Variants in SLC12A2 observed in about 807,000 individuals in gnomAD.
SLC12A2 encodes the protein Na-K-2Cl cotransporter 1.
A neutral mutation model predicts 136.3 loss-of-function variants in SLC12A2; 67 were observed. The ratio of observed to expected loss-of-function variants is 0.49; its 90% confidence interval spans 0.40 to 0.60. SLC12A2 has a LOEUF of 0.60. Among genes scored for constraint, SLC12A2 ranks in the 20% least tolerant of loss-of-function variants. SLC12A2 has a pLI of 0.00. For synonymous variants in SLC12A2, 619 were observed against 562.9 expected (o/e 1.10, Z -1.41); for missense variants, 1,322 against 1,534.7 (o/e 0.86, Z 2.32).
chr5:128,102,596 CT>C (rs70997362), intron 1 of SLC12A2, among the ~76,000 whole-genome samples: 14 of 40,444 alleles, frequency 3.5e-4, no homozygotes, highest in East Asian at 2.3e-3. Context: ...CCCCCCCCGC[CT>C]TTTTTTTTTT....
At chr5:128,093,014 C>T (rs1296915327) in intron 1 of SLC12A2, among the ~76,000 whole-genome samples, 3 of 152,036 alleles carry the variant, frequency 2.0e-5, no homozygotes, top group Non-Finnish European at 2.9e-5. Flanking sequence ...TTATAATTGC[C>T]GTCTTTCCTT....
chr5:128,121,901 G>A (rs1262992324), intron 4 of SLC12A2, among the ~76,000 whole-genome samples: 1 of 152,128 alleles, frequency 6.6e-6, no homozygotes, highest in Non-Finnish European at 1.5e-5. Flanking sequence ...AACTTGGATG[G>A]TGCTGGCCAG....
intron 18 of SLC12A2, chr5:128,168,836 G>A (rs1041655544): frequency 6.6e-6 from 1 of 152,212 alleles, no homozygotes; most frequent in African/African-American, 2.4e-5. Flanking sequence ...CTTCTGCTGT[G>A]CAGCCCACCC....
At chr5:128,157,965 C>A in intron 15 of SLC12A2, 88 bp from the exon 16 acceptor site, 1 of 1,076,834 alleles carries the variant, frequency 9.3e-7, no homozygotes, top group Non-Finnish European at 1.4e-6. Flanking sequence ...CAGTTGTATA[C>A]AGAAAGCTTC....
At position 128,147,645 on chromosome 5, in the gene SLC12A2, T is replaced by C; in HGVS notation, c.1797T>C (p.Phe599=). The change falls in exon 11 of 27, where the codon TTT becomes TTC. Residue 599 remains phenylalanine (F), a synonymous_variant. Transcript: ENST00000262461. The stretch of plus-strand genomic sequence containing the variant: ...AGGTAATGAGTATGGTGTCAGGATT[T>C]ACACCACTAATTTCTGCAGGTATAT... ...NFQVMSMVSG[F]TPLISAGIFS... is the part of the protein sequence containing the mutation. The C allele has an allele frequency of 6.2e-7, 1 of 1,607,170 alleles. No individual in the cohort carries two copies.
At chr5:128,148,127 A>C (rs1762589487) in intron 11 of SLC12A2, among the ~76,000 whole-genome samples, 1 of 151,720 alleles carries the variant, frequency 6.6e-6, no homozygotes, top group Admixed American at 6.6e-5. Flanking sequence ...ATATTTAAAC[A>C]CCTAACGTGA....
chr5:128,150,095 C>T lies in SLC12A2; in HGVS notation c.2104C>T (p.Pro702Ser), dbSNP rs1762651321. 3 of 1,570,722 alleles carry T rather than the reference C, an allele frequency of 1.9e-6. No individual in the cohort carries two copies. Among genetic ancestry groups the T allele is most frequent in the African/African-American group, 1.4e-5 (1 of 73,930 alleles). Residue 702 changes from proline (P) to serine (S), a missense_variant, in exon 13 of 27, where the codon CCA becomes TCA. By Grantham distance (74) the Pro-to-Ser change is moderately conservative. Around this residue, in one of 8 missense-constraint regions of SLC12A2, gnomAD observed 294 missense variants for 436.6 expected, o/e 0.67. Transcript: ENST00000262461. ...ATTCCATGCATCACTTGCAAAATCT[C>T]CAGGTAATTTTACATTTTTAAAAAA... is the stretch of plus-strand genomic sequence containing the variant. ...SVFHASLAKS[P>S]GWRPAFKYYN...
At chr5:128,120,933 C>T (rs1442257602) in intron 4 of SLC12A2, among the ~76,000 whole-genome samples, 3 of 151,984 alleles carry the variant, frequency 2.0e-5, no homozygotes, top group African/African-American at 7.2e-5. Context: ...TATCTTGATT[C>T]TTAACTGAAT....
intron 1 of SLC12A2, among the ~76,000 whole-genome samples, chr5:128,090,775 C>A (rs535394595): frequency 6.6e-6 from 1 of 152,188 alleles, no homozygotes; most frequent in East Asian, 1.9e-4. Flanking sequence ...CAACAGATAC[C>A]AAGACCCTGA....
At chr5:128,142,395 G>A (rs935233501) in intron 10 of SLC12A2, among the ~76,000 whole-genome samples, 2 of 152,142 alleles carry the variant, frequency 1.3e-5, no homozygotes, top group African/African-American at 2.4e-5. Flanking sequence ...GAGCCACTGC[G>A]TCTGGCCAGT....
chr5:128,182,630 G>A (rs1354658782), intron 23 of SLC12A2, among the ~76,000 whole-genome samples: 1 of 152,054 alleles, frequency 6.6e-6, no homozygotes, highest in Non-Finnish European at 1.5e-5. Flanking sequence ...TCAGTGCTAA[G>A]GAGAGATTCA....
At chr5:128,157,136 G>A (rs1281949101) in intron 15 of SLC12A2, among the ~76,000 whole-genome samples, 1 of 152,096 alleles carries the variant, frequency 6.6e-6, no homozygotes, top group African/African-American at 2.4e-5. Context: ...TCCTGTAAAC[G>A]TTAACGTTTA....
chr5:128,183,127 A>G lies in SLC12A2; in HGVS notation c.3299+186A>G, dbSNP rs550548436. Among the ~76,000 whole-genome samples the G allele has an allele frequency of 7.9e-5, 12 of 152,232 alleles. No individual in the cohort carries two copies. In the East Asian group the frequency reaches 9.6e-4, roughly 12 times the overall value. On this transcript the variant is annotated intron_variant, in intron 24 of 26. Transcript: ENST00000262461. ...TTAAAGAAAGTCTAAAGAGTTTTCA[A>G]TATTCAGAGAGGATTTAAATTACAG... is the stretch of plus-strand genomic sequence containing the variant.
Position 128,161,803 on chromosome 5 carries a change from A to G in SLC12A2, c.2616+3A>G, listed in dbSNP as rs1161154849. 1.5e-5 allele frequency: 22 copies of G among 1,435,584 alleles called. No homozygotes were observed. The highest frequency in any genetic ancestry group is 2.7e-5 in the East Asian group (1 of 37,274). 88.9% of individuals were successfully genotyped at this position (1,435,584 alleles called of 1,614,324 possible). On this transcript the variant is annotated splice_donor_region_variant and intron_variant, in intron 17 of 26. Coordinates refer to ENST00000262461, the MANE Select transcript of SLC12A2 (RefSeq NM_001046.3). Reference sequence around the variant, plus strand: ...AAGGTGCACAGTATTTGATGCAGGTAACTTTGTTAATGCTTTTCAAATGCC... The same window carrying G: ...AAGGTGCACAGTATTTGATGCAGGTGACTTTGTTAATGCTTTTCAAATGCC...
intron 1 of SLC12A2, among the ~76,000 whole-genome samples, chr5:128,096,239 A>T (rs576478434): frequency 2.6e-5 from 4 of 152,120 alleles, no homozygotes; most frequent in Non-Finnish European, 5.9e-5. Flanking sequence ...TAGGAAAAAC[A>T]TCTATGTTTT....
intron 19 of SLC12A2, among the ~76,000 whole-genome samples, chr5:128,174,064 C>T (rs1243903479): frequency 1.3e-5 from 2 of 152,056 alleles, no homozygotes; most frequent in African/African-American, 4.8e-5. Flanking sequence ...AGAATTGATT[C>T]ACATACTATG....
At chr5:128,090,935 T>G (rs1760291091) in intron 1 of SLC12A2, among the ~76,000 whole-genome samples, 1 of 152,154 alleles carries the variant, frequency 6.6e-6, no homozygotes, top group African/African-American at 2.4e-5. Flanking sequence ...CTCTGAGTGA[T>G]TTAGGGGAAG....
chr5:128,097,541 A>AT (rs1348806424), intron 1 of SLC12A2, among the ~76,000 whole-genome samples: 1 of 151,796 alleles, frequency 6.6e-6, no homozygotes, highest in Admixed American at 6.6e-5. Flanking sequence ...CTTTCCTGCC[A>AT]TTTTTTGTGC....
intron 1 of SLC12A2, among the ~76,000 whole-genome samples, chr5:128,103,034 CAG>C (rs1233754497): frequency 6.6e-6 from 1 of 152,122 alleles, no homozygotes; most frequent in Non-Finnish European, 1.5e-5. Flanking sequence ...CAATTTTAAA[CAG>C]TGCTGATATG....
Sources: gnomAD v4.1 joint callset for allele counts (sites outside exome capture counted in the v4.1 genomes callset) on GRCh38, gnomAD v4.1.1 for gene constraint, gnomAD v4.1.1 regional missense constraint, MANE v1.5 for transcripts, NCBI Gene and HGNC (gene_info 2026-07-23, HGNC 2026-07-21) for gene names.